PTPRM: variants seen among roughly 807,000 people sequenced by gnomAD.
PTPRM encodes the protein receptor-type tyrosine-protein phosphatase mu.
PTPRM carries 47 observed loss-of-function variants against 186.7 expected under a neutral mutation model. That is an observed-to-expected ratio of 0.25 (90% CI 0.20 to 0.32). The LOEUF (loss-of-function observed/expected upper bound fraction) is 0.32. PTPRM is among the 10% of genes least tolerant of loss of function. The pLI is 1.00. For missense variants in PTPRM, 1,494 were observed against 1,865.0 expected (o/e 0.80, Z 3.66); for synonymous variants, 668 against 674.9 (o/e 0.99, Z 0.16).
In PTPRM at chr18:7,770,002, G is replaced by A. The variant is rs147973593; in HGVS notation, c.74-4147G>A. ...ACTTGGGTTTAGTCGTGATTTAGTC[G>A]TGATTCCCCCCTGTGAAACATGAAT... On this transcript the variant is annotated intron_variant, in intron 1 of 32. Coordinates refer to ENST00000580170, the MANE Select transcript of PTPRM (RefSeq NM_001105244.2). 1.2e-3 allele frequency among the ~76,000 whole-genome samples: 176 copies of A among 152,188 alleles called. 1 individual carries two copies. The highest frequency in any genetic ancestry group is 4.0e-3 in the African/African-American group (165 of 41,502).
chr18:7,826,091 C>A (rs1386645207), intron 2 of PTPRM, among the ~76,000 whole-genome samples: 1 of 152,150 alleles, frequency 6.6e-6, no homozygotes, highest in Non-Finnish European at 1.5e-5. Context: ...AGCTCAGGTA[C>A]AATAGCAGCG....
chr18:8,023,831 GACACACACACAC>G (rs71354587), intron 7 of PTPRM, among the ~76,000 whole-genome samples: 23 of 110,280 alleles, frequency 2.1e-4, no homozygotes, highest in East Asian at 1.4e-3. Flanking sequence ...ATTATCAGAA[GACACACACACAC>G]ACACACACAC....
At chr18:7,918,238 C>G (rs535318194) in intron 4 of PTPRM, among the ~76,000 whole-genome samples, 4 of 152,174 alleles carry the variant, frequency 2.6e-5, no homozygotes, top group Admixed American at 2.6e-4. Context: ...GATTTCCTTT[C>G]TTTTGGATAT....
intron 2 of PTPRM, among the ~76,000 whole-genome samples, chr18:7,801,795 T>C (rs1488573022): frequency 1.3e-5 from 2 of 152,204 alleles, no homozygotes; most frequent in Non-Finnish European, 2.9e-5. Context: ...TAAAGTCTTA[T>C]GGGACCATCC....
At chr18:7,653,418 A>G (rs1057494032) in intron 1 of PTPRM, among the ~76,000 whole-genome samples, 2 of 151,972 alleles carry the variant, frequency 1.3e-5, no homozygotes, top group African/African-American at 2.4e-5. Flanking sequence ...TTCATCACCC[A>G]TGTATTAAGC....
chr18:8,215,381 A>G (rs1411135101), intron 14 of PTPRM, among the ~76,000 whole-genome samples: 3 of 151,884 alleles, frequency 2.0e-5, no homozygotes, highest in East Asian at 3.9e-4. Context: ...TTATAAAAGC[A>G]TCTCCCTTAT....
At chr18:7,885,264 CT>C (rs202087033) in intron 2 of PTPRM, among the ~76,000 whole-genome samples, 1 of 151,876 alleles carries the variant, frequency 6.6e-6, no homozygotes, top group Non-Finnish European at 1.5e-5. Context: ...CAGTCCTTTT[CT>C]TTTTTTTGTC....
intron 1 of PTPRM, among the ~76,000 whole-genome samples, chr18:7,572,924 C>T (rs1598434996): frequency 6.6e-6 from 1 of 152,160 alleles, no homozygotes; most frequent in Non-Finnish European, 1.5e-5. Flanking sequence ...TCCTAAAATA[C>T]CGCGGTGGTT....
At chr18:7,726,666 C>T (rs2040555858) in intron 1 of PTPRM, among the ~76,000 whole-genome samples, 1 of 152,118 alleles carries the variant, frequency 6.6e-6, no homozygotes, top group African/African-American at 2.4e-5. Flanking sequence ...TGAGAATGAC[C>T]ATTCTTTGGA....
chr18:7,582,183 C>T (rs1282345610), intron 1 of PTPRM, among the ~76,000 whole-genome samples: 1 of 152,142 alleles, frequency 6.6e-6, no homozygotes, highest in Non-Finnish European at 1.5e-5. Flanking sequence ...ACTTAGTGAC[C>T]TAAAACAACC....
At chr18:8,089,167 G>T (rs1481764084) in intron 11 of PTPRM, among the ~76,000 whole-genome samples, 1 of 152,104 alleles carries the variant, frequency 6.6e-6, no homozygotes, top group African/African-American at 2.4e-5. Context: ...GTTACCCAAG[G>T]GCAGATGACA....
chr18:8,382,951 G>A (rs1324148956), intron 29 of PTPRM, among the ~76,000 whole-genome samples: 1 of 152,160 alleles, frequency 6.6e-6, no homozygotes, highest in African/African-American at 2.4e-5. Flanking sequence ...TAATAAAGTA[G>A]TTCTCCCCTT....
chr18:7,964,837 G>T (rs2053915618), intron 7 of PTPRM, among the ~76,000 whole-genome samples: 1 of 151,800 alleles, frequency 6.6e-6, no homozygotes, highest in Non-Finnish European at 1.5e-5. Context: ...CTTAAGGTGT[G>T]GTCGGGATAG....
At chr18:8,224,069 T>C (rs932821673) in intron 14 of PTPRM, among the ~76,000 whole-genome samples, 2 of 152,202 alleles carry the variant, frequency 1.3e-5, no homozygotes, top group African/African-American at 4.8e-5. Context: ...CCTTGAAAGT[T>C]GCCAGCACTT....
At chr18:7,610,894 T>C (rs1311162144) in intron 1 of PTPRM, among the ~76,000 whole-genome samples, 1 of 152,098 alleles carries the variant, frequency 6.6e-6, no homozygotes, top group Non-Finnish European at 1.5e-5. Flanking sequence ...CTTCAGGAGG[T>C]ATCTAGAAGA....
At chr18:7,584,672 A>G (rs1286437808) in intron 1 of PTPRM, among the ~76,000 whole-genome samples, 1 of 152,154 alleles carries the variant, frequency 6.6e-6, no homozygotes, top group African/African-American at 2.4e-5. Flanking sequence ...CTATAAACGG[A>G]AACTAAACAC....
intron 19 of PTPRM, among the ~76,000 whole-genome samples, chr18:8,259,596 G>A: frequency 6.6e-6 from 1 of 151,132 alleles, no homozygotes. Context: ...ACAAAGCTGT[G>A]GCAACTTAAG....
chr18:7,979,399 T>C (rs2055178401), intron 7 of PTPRM, among the ~76,000 whole-genome samples: 1 of 152,238 alleles, frequency 6.6e-6, no homozygotes. Context: ...GTTCATTGGT[T>C]GGATACCTTT....
intron 5 of PTPRM, among the ~76,000 whole-genome samples, chr18:7,939,359 C>T (rs946438762): frequency 4.6e-5 from 7 of 152,196 alleles, no homozygotes; most frequent in South Asian, 2.1e-4. Flanking sequence ...GCTAACTTCC[C>T]AGACCTCAAT....
Sources: allele counts gnomAD v4.1 joint callset (sites outside exome capture counted in the v4.1 genomes callset), GRCh38; gene constraint gnomAD v4.1.1; transcripts MANE v1.5; gene names NCBI Gene and HGNC (gene_info 2026-07-23, HGNC 2026-07-21).